PARN: variants seen among roughly 807,000 people sequenced by gnomAD.
PARN encodes the protein poly(A)-specific ribonuclease PARN.
PARN carries 71 observed loss-of-function variants against 102.8 expected under a neutral mutation model. That is an observed-to-expected ratio of 0.69 (90% CI 0.57 to 0.84). The LOEUF is 0.84. Ranked by LOEUF, PARN falls within the 40% of genes least tolerant of loss-of-function variation. The pLI, the probability that PARN is intolerant of heterozygous loss-of-function variation, is 0.00. For synonymous variants in PARN, 261 were observed against 252.9 expected (o/e 1.03, Z -0.30); for missense variants, 782 against 760.9 (o/e 1.03, Z -0.33).
intron 18 of PARN, among the ~76,000 whole-genome samples, chr16:14,567,665 C>T (rs1183981797): frequency 1.3e-5 from 2 of 152,220 alleles, no homozygotes; most frequent in Admixed American, 1.3e-4. Context: ...CTATAAGTGG[C>T]CTCCTTCCTG....
intron 21 of PARN, among the ~76,000 whole-genome samples, chr16:14,536,543 G>A (rs879751777): frequency 2.6e-5 from 4 of 152,132 alleles, no homozygotes; most frequent in Non-Finnish European, 4.4e-5. Flanking sequence ...AGTGGTACCT[G>A]CTTTCTAAAG....
intron 21 of PARN, among the ~76,000 whole-genome samples, chr16:14,551,659 TGGG>T (rs56105874): frequency 6.6e-6 from 1 of 151,912 alleles, no homozygotes; most frequent in Admixed American, 6.5e-5. Context: ...TATCAACAAA[TGGG>T]GGGAAAGTAC....
At chr16:14,448,494 G>A (rs1961301545) in intron 22 of PARN, among the ~76,000 whole-genome samples, 1 of 151,948 alleles carries the variant, frequency 6.6e-6, no homozygotes, top group African/African-American at 2.4e-5. Context: ...CACCATGTTG[G>A]CCAAGCTGGT....
At chr16:14,593,643 T>C (rs1045175036) in intron 12 of PARN, among the ~76,000 whole-genome samples, 1 of 152,076 alleles carries the variant, frequency 6.6e-6, no homozygotes, top group Non-Finnish European at 1.5e-5. Context: ...TGAATTTTTA[T>C]TAATTATGCC....
chr16:14,491,076 A>G (rs755383374), intron 21 of PARN, among the ~76,000 whole-genome samples: 7 of 152,064 alleles, frequency 4.6e-5, no homozygotes, highest in Non-Finnish European at 1.0e-4. Context: ...TCAGTGATCT[A>G]ACAGAAACAT....
intron 21 of PARN, among the ~76,000 whole-genome samples, chr16:14,483,584 T>C (rs1963496324): frequency 6.6e-6 from 1 of 152,086 alleles, no homozygotes; most frequent in Non-Finnish European, 1.5e-5. Context: ...TTACAATGAG[T>C]TTTAAACAAA....
intron 21 of PARN, among the ~76,000 whole-genome samples, chr16:14,527,880 T>A (rs1046441334): frequency 1.3e-5 from 2 of 152,208 alleles, no homozygotes; most frequent in Admixed American, 6.5e-5. Flanking sequence ...AGGAGCCGTG[T>A]TTACAGCCCA....
At chr16:14,625,433 GTTA>G (rs1240452621) in intron 5 of PARN, among the ~76,000 whole-genome samples, 1 of 152,098 alleles carries the variant, frequency 6.6e-6, no homozygotes, top group East Asian at 1.9e-4. Flanking sequence ...GGAGGCAGAG[GTTA>G]CAGTGAGCCT....
At chr16:14,506,823 G>T (rs1276164939) in intron 21 of PARN, among the ~76,000 whole-genome samples, 1 of 151,824 alleles carries the variant, frequency 6.6e-6, no homozygotes, top group Non-Finnish European at 1.5e-5. Context: ...AGATCTCACT[G>T]CCTTTAAAAA....
chr16:14,607,270 G>A (rs1971247774), intron 9 of PARN, among the ~76,000 whole-genome samples: 1 of 151,986 alleles, frequency 6.6e-6, no homozygotes, highest in Non-Finnish European at 1.5e-5. Flanking sequence ...GTGCCAAGCC[G>A]CAATCTTGGC....
chr16:14,593,462 G>C, intron 12 of PARN, 84 bp from the exon 13 acceptor site: 1 of 266,110 alleles, frequency 3.8e-6, no homozygotes, highest in Non-Finnish European at 7.5e-6. Flanking sequence ...GATTCCAAGA[G>C]GACTTTGTAC....
chr16:14,451,489 T>A (rs767444941), intron 22 of PARN, among the ~76,000 whole-genome samples: 14 of 152,248 alleles, frequency 9.2e-5, no homozygotes, highest in Non-Finnish European at 1.6e-4. Flanking sequence ...ACAACACGGA[T>A]GAATCTCAAA....
intron 21 of PARN, among the ~76,000 whole-genome samples, chr16:14,502,464 G>C (rs900952559): frequency 1.6e-4 from 25 of 152,216 alleles, no homozygotes; most frequent in Admixed American, 7.9e-4. Flanking sequence ...CCAGCAGGAA[G>C]CTTGCTACAA....
At chr16:14,494,550 G>T (rs907071459) in intron 21 of PARN, among the ~76,000 whole-genome samples, 1 of 152,172 alleles carries the variant, frequency 6.6e-6, no homozygotes. Flanking sequence ...GGAATATGAT[G>T]AGGTGACTCA....
At chr16:14,572,962 C>T (rs762899447) in intron 18 of PARN, among the ~76,000 whole-genome samples, 1 of 151,670 alleles carries the variant, frequency 6.6e-6, no homozygotes, top group Non-Finnish European at 1.5e-5. Context: ...AACCATGGCT[C>T]ACTGCAGCCT....
intron 21 of PARN, among the ~76,000 whole-genome samples, chr16:14,496,645 C>T (rs1372630692): frequency 6.6e-6 from 1 of 152,158 alleles, no homozygotes; most frequent in Non-Finnish European, 1.5e-5. Context: ...TCTGCTAGAT[C>T]ATGTGAAATG....
At chr16:14,503,885 C>A (rs1428486620) in intron 21 of PARN, among the ~76,000 whole-genome samples, 1 of 152,174 alleles carries the variant, frequency 6.6e-6, no homozygotes, top group East Asian at 1.9e-4. Context: ...TACAATGCTG[C>A]AAGGAGCTGA....
intron 18 of PARN, among the ~76,000 whole-genome samples, chr16:14,557,557 C>CAAAAAAAA (rs751028710): frequency 2.7e-5 from 1 of 36,520 alleles, no homozygotes; most frequent in Non-Finnish European, 5.9e-5. Flanking sequence ...AACTCTGCCT[C>CAAAAAAAA]AAAAAAAAAA....
chr16:14,470,328 C>G (rs180696045), intron 22 of PARN, among the ~76,000 whole-genome samples: 2 of 151,964 alleles, frequency 1.3e-5, no homozygotes, highest in African/African-American at 4.8e-5. Flanking sequence ...ACTGAGAAAC[C>G]TTTCTATGTT....
Sources: gnomAD v4.1 joint callset for allele counts (sites outside exome capture counted in the v4.1 genomes callset) on GRCh38, gnomAD v4.1.1 for gene constraint, MANE v1.5 for transcripts, NCBI Gene and HGNC (gene_info 2026-07-23, HGNC 2026-07-21) for gene names.